ARMC8: variants seen among roughly 807,000 people sequenced by gnomAD.
ARMC8 encodes armadillo repeat-containing protein 8.
A neutral mutation model predicts 99.3 loss-of-function variants in ARMC8; 20 were observed. The observed-to-expected ratio is 0.20, with a 90% CI of 0.14 to 0.29. The LOEUF (loss-of-function observed/expected upper bound fraction) is 0.29, where lower values mean the gene tolerates loss of function less well. Among genes scored for constraint, ARMC8 ranks in the 10% least tolerant of loss-of-function variants. The pLI is 1.00. For missense variants in ARMC8, 569 were observed against 809.5 expected, an observed-to-expected ratio of 0.70 and a Z score of 3.60; for synonymous variants, 263 against 278.3, an observed-to-expected ratio of 0.95 and a Z score of 0.55.
intron 11 of ARMC8, among the ~76,000 whole-genome samples, chr3:138,242,919 A>T (rs1237197133): frequency 6.6e-6 from 1 of 152,082 alleles, no homozygotes; most frequent in East Asian, 1.9e-4. Flanking sequence ...AATGTACTCT[A>T]CTCTCTGGGT....
rs926734528 is a variant in ARMC8, at chr3:138,187,763, G to A, written c.45+164G>A. 3 of 738,646 alleles carry A rather than the reference G, an allele frequency of 4.1e-6. No homozygotes were observed. The East Asian group carries it at 8.7e-5, about 21-fold the overall frequency. 45.8% of individuals were successfully genotyped at this position (738,646 alleles called of 1,614,324 possible). ...CGAGGGTGGAGAGGCGGGATAGACG[G>A]GCAGAGGGGACCGCGGCCGAGCCAA... On this transcript the variant is annotated intron_variant, in intron 1 of 21. Coordinates refer to ENST00000469044, the MANE Select transcript of ARMC8 (RefSeq NM_001363941.2).
At chr3:138,188,972 A>C (rs1453984341) in intron 1 of ARMC8, among the ~76,000 whole-genome samples, 1 of 152,134 alleles carries the variant, frequency 6.6e-6, no homozygotes, top group Non-Finnish European at 1.5e-5. Flanking sequence ...AATACCCAGG[A>C]ATATTCTGTG....
chr3:138,227,486 GAAGTTTTCT>G (rs1237631481), intron 5 of ARMC8, among the ~76,000 whole-genome samples: 17 of 152,260 alleles, frequency 1.1e-4, no homozygotes, highest in Admixed American at 9.8e-4. Flanking sequence ...GACTTTCTTT[GAAGTTTTCT>G]AAGTTTTCCA....
At chr3:138,205,696 G>T (rs1305229952) in intron 1 of ARMC8, among the ~76,000 whole-genome samples, 1 of 152,108 alleles carries the variant, frequency 6.6e-6, no homozygotes, top group Non-Finnish European at 1.5e-5. Flanking sequence ...CCAGCACTCT[G>T]GGAGGCTGAG....
At chr3:138,199,151 A>G (rs116073369) in intron 1 of ARMC8, among the ~76,000 whole-genome samples, 2,285 of 152,222 alleles carry the variant, frequency 0.015, 63 homozygotes, top group African/African-American at 0.053. Flanking sequence ...CTTGGGAGGG[A>G]GGATGCAGTG....
chr3:138,190,096 G>A (rs1311815019), intron 1 of ARMC8, among the ~76,000 whole-genome samples: 11 of 151,900 alleles, frequency 7.2e-5, no homozygotes, highest in Admixed American at 1.3e-4. Context: ...CTACCACAGC[G>A]TCCTTTTAAT....
At chr3:138,273,747 A>T (rs2048996784) in intron 17 of ARMC8, among the ~76,000 whole-genome samples, 1 of 150,058 alleles carries the variant, frequency 6.7e-6, no homozygotes. Context: ...CCAAGATAGT[A>T]TTAGGAAATC....
In ARMC8 at chr3:138,237,523, A is replaced by G. The variant is rs2046394218; in HGVS notation, c.727A>G (p.Met243Val). The G allele has an allele frequency of 6.2e-7, 1 of 1,613,900 alleles. No individual in the cohort carries two copies. Among genetic ancestry groups the G allele is most frequent in the Non-Finnish European group, 8.5e-7 (1 of 1,179,982 alleles). Residue 243 changes from methionine (M) to valine (V), a missense_variant, in exon 9 of 22, where the codon ATG becomes GTG. By Grantham distance (21) the Met-to-Val change is conservative. Transcript: ENST00000469044. ...ATTGTTACCACAGATTTTTGTGAAG[A>G]TGTTACAGAGGGATAAGCCTATTGA... Reference protein sequence around the residue: ...GELLPQIFVKMLQRDKPIEMQ... With the variant: ...GELLPQIFVKVLQRDKPIEMQ...
intron 1 of ARMC8, among the ~76,000 whole-genome samples, chr3:138,200,463 T>C (rs978586801): frequency 3.9e-5 from 6 of 152,242 alleles, no homozygotes; most frequent in African/African-American, 1.4e-4. Context: ...ATTTTGTGTT[T>C]CTATGTAAAA....
chr3:138,288,331 T>C (rs2050617378), intron 19 of ARMC8, among the ~76,000 whole-genome samples: 2 of 152,240 alleles, frequency 1.3e-5, no homozygotes, highest in African/African-American at 4.8e-5. Flanking sequence ...ACCCAGTGTA[T>C]GTTGGCTGTT....
At chr3:138,258,919 T>C (rs994521126) in intron 12 of ARMC8, among the ~76,000 whole-genome samples, 1 of 152,242 alleles carries the variant, frequency 6.6e-6, no homozygotes, top group Non-Finnish European at 1.5e-5. Flanking sequence ...AGTGTCTGTG[T>C]AACAGAGGGC....
Position 138,296,128 on chromosome 3 carries a change from G to A in ARMC8, c.*236G>A, listed in dbSNP as rs530791341. 1.3e-5 allele frequency: 6 copies of A among 464,544 alleles called. No individual in the cohort carries two copies. The highest frequency in any genetic ancestry group is 6.0e-5 in the African/African-American group (3 of 49,848). 28.8% of individuals were successfully genotyped at this position (464,544 alleles called of 1,614,324 possible). A position where few individuals can be genotyped will look rare whatever the true frequency, so the allele number is the denominator to read the frequency against. On this transcript the variant is annotated 3_prime_UTR_variant, in exon 22 of 22. Coordinates refer to ENST00000469044, the MANE Select transcript of ARMC8 (RefSeq NM_001363941.2). ...TTTGGTTTTTTTTTCTGAGCTACTC[G>A]GACTCTTTATTAGAACAATCAATCA... is the stretch of plus-strand genomic sequence containing the variant.
At chr3:138,275,460 G>A (rs1249896770) in intron 18 of ARMC8, among the ~76,000 whole-genome samples, 4 of 152,178 alleles carry the variant, frequency 2.6e-5, no homozygotes, top group Non-Finnish European at 5.9e-5. Flanking sequence ...TGGGGAGGCT[G>A]AGGCAGGAGA....
At chr3:138,272,889 T>G (rs1035454291) in intron 16 of ARMC8, 78 bp from the exon 17 acceptor site, 2 of 1,238,886 alleles carry the variant, frequency 1.6e-6, no homozygotes, top group Admixed American at 3.4e-5. Context: ...TAAAAAAAAA[T>G]TACCAGAGTT....
intron 18 of ARMC8, among the ~76,000 whole-genome samples, chr3:138,276,711 C>T (rs530387799): frequency 1.3e-5 from 2 of 152,150 alleles, no homozygotes; most frequent in African/African-American, 2.4e-5. Flanking sequence ...ATAAATCTCA[C>T]AAGGATCTGT....
intron 12 of ARMC8, among the ~76,000 whole-genome samples, chr3:138,248,016 T>C (rs2046960712): frequency 6.6e-6 from 1 of 152,240 alleles, no homozygotes; most frequent in Non-Finnish European, 1.5e-5. Flanking sequence ...AAATTGGTAT[T>C]CTAATTCCGA....
At chr3:138,289,824 C>G (rs78401414) in intron 20 of ARMC8, among the ~76,000 whole-genome samples, 7,222 of 152,092 alleles carry the variant, frequency 0.047, 214 homozygotes, top group South Asian at 0.083. Context: ...ATTTCTGGGC[C>G]CCATCCCTAG....
intron 2 of ARMC8, among the ~76,000 whole-genome samples, chr3:138,219,716 A>G (rs1307269672): frequency 6.6e-6 from 1 of 152,224 alleles, no homozygotes; most frequent in Non-Finnish European, 1.5e-5. Flanking sequence ...TTTACTTACT[A>G]AAGCCAAAGC....
intron 1 of ARMC8, among the ~76,000 whole-genome samples, chr3:138,190,281 C>CTTTTTTTTTTTTT (rs141579108): frequency 4.4e-5 from 5 of 114,366 alleles, no homozygotes; most frequent in Non-Finnish European, 9.0e-5. Context: ...ATTTTCTTAT[C>CTTTTTTTTTTTTT]TTTTTTTTTT....
Sources: allele counts gnomAD v4.1 joint callset (sites outside exome capture counted in the v4.1 genomes callset), GRCh38; gene constraint gnomAD v4.1.1; transcripts MANE v1.5; gene names NCBI Gene and HGNC (gene_info 2026-07-23, HGNC 2026-07-21).